DBT: variants seen among roughly 807,000 people sequenced by gnomAD.
DBT encodes the protein lipoamide acyltransferase component of branched-chain alpha-keto acid dehydrogenase complex, mitochondrial.
In DBT, 40 loss-of-function variants were observed where a neutral mutation model predicts 51.3. That is an observed-to-expected ratio of 0.78 (90% confidence interval 0.61 to 1.02). The LOEUF (loss-of-function observed/expected upper bound fraction) is 1.02, where lower values mean the gene tolerates loss of function less well. Among genes scored for constraint, DBT ranks in the 50% least tolerant of loss-of-function variants. The probability of loss-of-function intolerance (pLI) is 0.00; values close to 1 mark genes in which losing one functional copy is unlikely to be tolerated. For missense variants in DBT, 510 were observed against 580.2 expected (o/e 0.88, Z 1.24); for synonymous variants, 181 against 190.4 (o/e 0.95, Z 0.41).
chr1:100,230,239 T>C (rs890879622), intron 4 of DBT, among the ~76,000 whole-genome samples: 4 of 152,198 alleles, frequency 2.6e-5, no homozygotes, highest in African/African-American at 7.2e-5. Flanking sequence ...ATTTTTAACA[T>C]GGCAACTGGC....
At chr1:100,223,570 G>A (rs757236139) in intron 4 of DBT, among the ~76,000 whole-genome samples, 2 of 152,142 alleles carry the variant, frequency 1.3e-5, no homozygotes, top group Admixed American at 6.5e-5. Flanking sequence ...GGGCTCAAGC[G>A]ATCCTCCCAC....
At chr1:100,200,754 C>A (rs981154448) in intron 10 of DBT, among the ~76,000 whole-genome samples, 4 of 152,180 alleles carry the variant, frequency 2.6e-5, no homozygotes, top group East Asian at 1.9e-4. Flanking sequence ...ACTGGTGATA[C>A]CCAGGCAAAC....
In DBT at chr1:100,206,534, G is replaced by C. The variant is rs1252238573; in HGVS notation, c.1120C>G (p.Leu374Val). The part of the protein sequence containing the change: ...ICSIFDIATE[L>V]NRLQKLGSVS... ...GAGCCCAATTTCTGGAGGCGGTTCA[G>C]TTCAGTGGCGATGTCAAATATAGAG... The change falls in exon 9 of 11, where the codon CTG (leucine) becomes GTG (valine). Residue 374 changes from leucine to valine, a missense_variant. Physicochemically the swap from Leu to Val is conservative, Grantham distance 32. Coordinates refer to ENST00000370132, the MANE Select transcript of DBT (RefSeq NM_001918.5). 6.2e-7 allele frequency: 1 copy of C among 1,612,582 alleles called. No homozygotes were observed. Among genetic ancestry groups the C allele is most frequent in the African/African-American group, 1.3e-5 (1 of 74,900 alleles).
chr1:100,225,192 T>C (rs1301061048), intron 4 of DBT, among the ~76,000 whole-genome samples: 1 of 151,512 alleles, frequency 6.6e-6, no homozygotes, highest in Non-Finnish European at 1.5e-5. Flanking sequence ...TTTCCTCGTA[T>C]TCCTTGGTAA....
intron 1 of DBT, among the ~76,000 whole-genome samples, 167 bp downstream of exon 1, chr1:100,249,603 T>G (rs1016793187): frequency 7.9e-5 from 12 of 152,154 alleles, no homozygotes; most frequent in African/African-American, 2.9e-4. Flanking sequence ...CACTCCAGAC[T>G]GGTCGACTCG....
rs1309175873 is a variant in DBT at position 100,195,877 on chromosome 1, C to A, written c.*378G>T. On this transcript the variant is annotated 3_prime_UTR_variant, in exon 11 of 11. Transcript: ENST00000370132. ...GCCAGGTTTCACCATGTTGGCCAGG[C>A]TGGTCTCAAACTTCTAACCTCAGGT... The A allele has an allele frequency of 1.2e-5, 3 of 248,936 alleles. No individual in the cohort carries two copies. Among genetic ancestry groups the A allele is most frequent in the African/African-American group, 2.3e-5 (1 of 43,432 alleles). The allele number at this position is 248,936 out of a possible 1,614,324, so 15.4% of individuals were successfully genotyped here.
intron 8 of DBT, among the ~76,000 whole-genome samples, chr1:100,208,910 C>CAAAAAAAA (rs11369687): frequency 9.1e-6 from 1 of 109,384 alleles, no homozygotes; most frequent in East Asian, 2.5e-4. Flanking sequence ...GACTCTGTAT[C>CAAAAAAAA]AAAAAAAAAA....
chr1:100,197,607 G>A (rs1661192058), intron 10 of DBT, among the ~76,000 whole-genome samples: 1 of 152,176 alleles, frequency 6.6e-6, no homozygotes. Flanking sequence ...ATCCTGGGGT[G>A]CTTCCATGTG....
intron 7 of DBT, chr1:100,213,617 T>C (rs1452910145): frequency 1.9e-6 from 3 of 1,603,476 alleles, no homozygotes; most frequent in Non-Finnish European, 2.6e-6. Context: ...GTTCATTTGC[T>C]GTTTTGCCTT....
chr1:100,213,500 A>G, intron 7 of DBT: 1 of 1,542,656 alleles, frequency 6.5e-7, no homozygotes, highest in Non-Finnish European at 9.0e-7. Flanking sequence ...CTATCCTACC[A>G]ACTCTATCGT....
chr1:100,232,440 A>G (rs902763708), intron 3 of DBT, among the ~76,000 whole-genome samples: 1 of 152,108 alleles, frequency 6.6e-6, no homozygotes, highest in Non-Finnish European at 1.5e-5. Context: ...ACACCTGGCC[A>G]CATCTGTATT....
chr1:100,242,003 G>A (rs903866676), intron 1 of DBT, among the ~76,000 whole-genome samples: 1 of 151,458 alleles, frequency 6.6e-6, no homozygotes. Flanking sequence ...CCTGGTGACA[G>A]AGCAAGACTC....
chr1:100,218,515 G>T, intron 5 of DBT, 111 bp downstream of exon 5: 2 of 1,222,480 alleles, frequency 1.6e-6, no homozygotes, highest in South Asian at 1.3e-5. Flanking sequence ...ATATCTTCAT[G>T]TTTCCTTAAT....
At chr1:100,211,795 A>G (rs1662160583) in intron 7 of DBT, among the ~76,000 whole-genome samples, 1 of 152,184 alleles carries the variant, frequency 6.6e-6, no homozygotes, top group Non-Finnish European at 1.5e-5. Flanking sequence ...TTTTTGAGAC[A>G]GGGTCTTTCT....
intron 7 of DBT, among the ~76,000 whole-genome samples, chr1:100,212,666 T>C (rs560464174): frequency 1.1e-4 from 17 of 152,364 alleles, no homozygotes; most frequent in African/African-American, 3.8e-4. Context: ...CTGAGATAAG[T>C]TAACAGTGGG....
rs182210964 is a variant in DBT, at chr1:100,193,100, T to C, written c.*3155A>G. On this transcript the variant is annotated 3_prime_UTR_variant, in exon 11 of 11. Transcript: ENST00000370132. ...ACACTGTAGGGAACAAATCCTTTGC[T>C]GAATTCTCAATGCATGAGACCAAAG... The C allele has an allele frequency of 6.6e-6, 1 of 152,346 alleles. No homozygotes were observed. The highest frequency in any genetic ancestry group is 1.9e-4 in the East Asian group (1 of 5,182). 9.4% of individuals were successfully genotyped at this position (152,346 alleles called of 1,614,324 possible).
Position 100,200,480 on chromosome 1 carries a change from T to C in DBT, c.1282-4058A>G, listed in dbSNP as rs925463664. Among the ~76,000 whole-genome samples the C allele has an allele frequency of 4.6e-5, 7 of 152,332 alleles. No homozygotes were observed. The South Asian group carries it at 1.4e-3, about 32-fold the overall frequency. ...GGGAAGGGGTGGCTGTGGGCGCAGC[T>C]TCAGCAGAATTAAACCTTCCTGCCT... On this transcript the variant is annotated intron_variant, in intron 10 of 10. Coordinates refer to ENST00000370132, the MANE Select transcript of DBT (RefSeq NM_001918.5).
chr1:100,242,051 T>C (rs1469421312), intron 1 of DBT, among the ~76,000 whole-genome samples: 1 of 152,112 alleles, frequency 6.6e-6, no homozygotes, highest in Non-Finnish European at 1.5e-5. Context: ...CTATTAATAC[T>C]TAACTACATC....
Position 100,216,144 on chromosome 1 carries a change from T to C in DBT, c.611A>G (p.Asp204Gly). The change falls in exon 6 of 11, where the codon GAT becomes GGT. Residue 204 changes from aspartate to glycine, a missense_variant. Coordinates refer to ENST00000370132, the MANE Select transcript of DBT (RefSeq NM_001918.5). The part of the protein sequence containing the change: ...SGKDGRILKE[D>G]ILNYLEKQTG... ...CTGCTTTTCCAAATAGTTGAGGATA[T>C]CTTCTTTAAGTATTCTGCCATCTTT... The C allele has an allele frequency of 6.2e-7, 1 of 1,614,022 alleles. No individual in the cohort carries two copies. The highest frequency in any genetic ancestry group is 8.5e-7 in the Non-Finnish European group (1 of 1,179,940).
Sources: gnomAD v4.1 joint callset for allele counts (sites outside exome capture counted in the v4.1 genomes callset) on GRCh38, gnomAD v4.1.1 for gene constraint, MANE v1.5 for transcripts, NCBI Gene and HGNC (gene_info 2026-07-23, HGNC 2026-07-21) for gene names.